TBC1D15: variants seen among roughly 807,000 people sequenced by gnomAD.
The protein encoded by TBC1D15 is GAP for RAB7.
A neutral mutation model predicts 95.4 loss-of-function variants in TBC1D15; 39 were observed. The ratio of observed to expected loss-of-function variants is 0.41; its 90% CI spans 0.32 to 0.53. The LOEUF is 0.53. TBC1D15 is among the 20% of genes least tolerant of loss of function. The pLI is 0.29. For synonymous variants in TBC1D15, 258 were observed against 261.3 expected (o/e 0.99, Z 0.12); for missense variants, 733 against 794.3 (o/e 0.92, Z 0.93).
At position 71,880,542 on chromosome 12, in the gene TBC1D15, G is replaced by C. The variant is rs545045683; in HGVS notation, c.278G>C (p.Ser93Thr). 1 of 1,613,522 alleles carries C rather than the reference G, an allele frequency of 6.2e-7. No individual in the cohort carries two copies. The highest frequency in any genetic ancestry group is 8.5e-7 in the Non-Finnish European group (1 of 1,179,688). The change falls in exon 4 of 17, where the codon AGT becomes ACT. Residue 93 changes from serine to threonine, a missense_variant. By Grantham distance (58) the Ser-to-Thr change is moderately conservative (BLOSUM62 1). Transcript: ENST00000485960. Reference sequence around the variant, plus strand: ...CATCGAGGATCAGAACATCTGAACAGTTACGAAGCAGAATGGGACATGGTT... The same window carrying C: ...CATCGAGGATCAGAACATCTGAACACTTACGAAGCAGAATGGGACATGGTT... ...RGHRGSEHLN[S>T]YEAEWDMVNT...
At chr12:71,843,008 C>G (rs367709457) in intron 1 of TBC1D15, among the ~76,000 whole-genome samples, 1 of 151,346 alleles carries the variant, frequency 6.6e-6, no homozygotes, top group South Asian at 2.1e-4. Context: ...AATTACTGGC[C>G]GGGCACGGTG....
chr12:71,840,515 A>G (rs1884698998), intron 1 of TBC1D15, among the ~76,000 whole-genome samples: 2 of 152,172 alleles, frequency 1.3e-5, no homozygotes, highest in Admixed American at 6.5e-5. Flanking sequence ...TGGAAACTAG[A>G]ATTACGTGCG....
intron 4 of TBC1D15, among the ~76,000 whole-genome samples, chr12:71,882,361 A>T (rs1005604111): frequency 6.6e-6 from 1 of 152,140 alleles, no homozygotes; most frequent in East Asian, 1.9e-4. Flanking sequence ...GATCCATCCA[A>T]ATAAAATTTG....
At chr12:71,905,160 G>T (rs957660556) in intron 10 of TBC1D15, among the ~76,000 whole-genome samples, 2 of 152,066 alleles carry the variant, frequency 1.3e-5, no homozygotes, top group Non-Finnish European at 2.9e-5. Flanking sequence ...TTTACAAGAA[G>T]AAATACTGAT....
intron 3 of TBC1D15, 113 bp downstream of exon 3, chr12:71,873,116 G>A: frequency 1.5e-6 from 1 of 683,378 alleles, no homozygotes; most frequent in Non-Finnish European, 2.4e-6. Flanking sequence ...ACAATTCAGT[G>A]GTTTTTAGCA....
chr12:71,851,271 G>A (rs1160396329), intron 1 of TBC1D15, among the ~76,000 whole-genome samples: 2 of 152,200 alleles, frequency 1.3e-5, no homozygotes, highest in East Asian at 3.9e-4. Flanking sequence ...AAGAGTGGAT[G>A]GTGTTAAACC....
Position 71,923,297 on chromosome 12 carries a change from T to G in TBC1D15, c.*93T>G. 8.8e-7 allele frequency: 1 copy of G among 1,137,112 alleles called. No individual in the cohort carries two copies. 70.4% of individuals were successfully genotyped at this position (1,137,112 alleles called of 1,614,324 possible). The stretch of plus-strand genomic sequence containing the variant: ...AAATTTGAAATCTTGGTATTGATCA[T>G]GCTTTAAGGTTTATGTAAAGAAAGT... On this transcript the variant is annotated 3_prime_UTR_variant, in exon 17 of 17. Transcript: ENST00000485960.
rs1016683959 is a variant in TBC1D15, at chr12:71,921,399, T to C, written c.1748T>C (p.Val583Ala). The C allele has an allele frequency of 2.9e-5, 45 of 1,564,934 alleles. No individual in the cohort carries two copies. The highest frequency in any genetic ancestry group is 3.8e-5 in the Non-Finnish European group (44 of 1,150,752). The change falls in exon 16 of 17, where the codon GTG (valine) becomes GCG (alanine). Residue 583 changes from valine (V) to alanine (A), a missense_variant. Val to Ala is a moderately conservative substitution (Grantham distance 64). Transcript: ENST00000485960. ...AATGAATTGTCCATGAAAATTGATG[T>C]GGAAGATATACTCTGCAAGGCAGAA... is the stretch of plus-strand genomic sequence containing the variant. ...HINELSMKID[V>A]EDILCKAEAI...
chr12:71,861,674 T>G (rs1328027490), intron 1 of TBC1D15, among the ~76,000 whole-genome samples: 3 of 152,000 alleles, frequency 2.0e-5, no homozygotes, highest in East Asian at 3.9e-4. Flanking sequence ...ATTTTTTTTT[T>G]GTCTCAATTT....
chr12:71,896,762 A>C lies in TBC1D15; in HGVS notation c.1070A>C (p.Gln357Pro). The C allele has an allele frequency of 6.2e-7, 1 of 1,611,104 alleles. No individual in the cohort carries two copies. The highest frequency in any genetic ancestry group is 8.5e-7 in the Non-Finnish European group (1 of 1,178,868). The change falls in exon 9 of 17, where the codon CAA becomes CCA. Residue 357 changes from glutamine to proline, a missense_variant. Coordinates refer to ENST00000485960, the MANE Select transcript of TBC1D15 (RefSeq NM_001146213.3). ...GACAGTACCAAGGAGGAAAGAACCC[A>C]ATTACAAAAGCAAAAAACGTAAGTA... ...PWDSTKEERT[Q>P]LQKQKTDEYF...
At chr12:71,863,617 G>A (rs1028227712) in intron 1 of TBC1D15, among the ~76,000 whole-genome samples, 1 of 152,148 alleles carries the variant, frequency 6.6e-6, no homozygotes, top group African/African-American at 2.4e-5. Flanking sequence ...GTATTAAATA[G>A]GTTTTCTATA....
At chr12:71,881,963 C>T (rs373566409) in intron 4 of TBC1D15, among the ~76,000 whole-genome samples, 1 of 150,390 alleles carries the variant, frequency 6.6e-6, no homozygotes, top group Non-Finnish European at 1.5e-5. Context: ...TTTCTAAGCC[C>T]GTGGGTTCAT....
chr12:71,921,995 C>T (rs1298013791), intron 16 of TBC1D15, among the ~76,000 whole-genome samples: 1 of 152,144 alleles, frequency 6.6e-6, no homozygotes, highest in African/African-American at 2.4e-5. Flanking sequence ...CCCAAGCTGG[C>T]CTTGAACTCC....
intron 16 of TBC1D15, among the ~76,000 whole-genome samples, chr12:71,922,117 T>C (rs1239146954): frequency 2.6e-5 from 4 of 151,880 alleles, no homozygotes; most frequent in East Asian, 3.9e-4. Flanking sequence ...CAGAGTCTTG[T>C]TCTGTTGTCC....
Position 71,897,846 on chromosome 12 carries a change from GTGA to G in TBC1D15, c.1092_1094del (p.Asp364del). 1 of 1,610,172 alleles carries G rather than the reference GTGA, an allele frequency of 6.2e-7. No individual in the cohort carries two copies. Among genetic ancestry groups the G allele is most frequent in the Non-Finnish European group, 8.5e-7 (1 of 1,177,260 alleles). On this transcript the variant is annotated inframe_deletion and splice_region_variant, in exon 10 of 17. Transcript: ENST00000485960. Reference sequence around the variant, plus strand: ...CTTTGATGTCAAATTGTTTTCTATAGTGATGAATACTTCAGAATGAAACTGCAG... The same window carrying G: ...CTTTGATGTCAAATTGTTTTCTATAGTGAATACTTCAGAATGAAACTGCAG...
intron 1 of TBC1D15, among the ~76,000 whole-genome samples, chr12:71,869,910 A>G (rs886855767): frequency 2.0e-5 from 3 of 152,180 alleles, no homozygotes; most frequent in Admixed American, 1.3e-4. Flanking sequence ...GAAATATTCA[A>G]ATAAGTCAGA....
At chr12:71,854,921 G>T (rs1888681656) in intron 1 of TBC1D15, 1 of 452,246 alleles carries the variant, frequency 2.2e-6, no homozygotes. Flanking sequence ...GTACCCTTGA[G>T]ATTTGATTTA....
intron 1 of TBC1D15, among the ~76,000 whole-genome samples, chr12:71,862,873 A>G (rs1890679734): frequency 6.6e-6 from 1 of 151,982 alleles, no homozygotes; most frequent in African/African-American, 2.4e-5. Context: ...TTTTCCTTCC[A>G]GATATAGGAC....
Position 71,884,808 on chromosome 12 carries a change from A to G in TBC1D15, c.344-3A>G. On this transcript the variant is annotated splice_polypyrimidine_tract_variant and splice_region_variant and intron_variant, in intron 4 of 16. Coordinates refer to ENST00000485960, the MANE Select transcript of TBC1D15 (RefSeq NM_001146213.3). Reference sequence around the variant, plus strand: ...TATTTTGCCCCACTTTCTTGTTTTTAAGATGCTCCAAGTCATAGAAATGGG... The same window carrying G: ...TATTTTGCCCCACTTTCTTGTTTTTGAGATGCTCCAAGTCATAGAAATGGG... 6.2e-7 allele frequency: 1 copy of G among 1,613,828 alleles called. No individual in the cohort carries two copies. Among genetic ancestry groups the G allele is most frequent in the Non-Finnish European group, 8.5e-7 (1 of 1,179,834 alleles).
Sources: gnomAD v4.1 joint callset for allele counts (sites outside exome capture counted in the v4.1 genomes callset) on GRCh38, gnomAD v4.1.1 for gene constraint, MANE v1.5 for transcripts, NCBI Gene and HGNC (gene_info 2026-07-23, HGNC 2026-07-21) for gene names.